Variants in MAMDC2 observed in about 807,000 individuals in gnomAD.
MAMDC2 encodes the protein MAM domain containing 2, also known as MAM domain-containing protein 2.
Under a neutral mutation model 89.8 loss-of-function variants are expected in MAMDC2, and 57 were observed. The observed-to-expected ratio is 0.63, with a 90% CI of 0.51 to 0.79. MAMDC2 has a LOEUF of 0.79. Ranked by LOEUF, MAMDC2 falls within the 30% of genes least tolerant of loss-of-function variation. MAMDC2 has a pLI of 0.00. For synonymous variants in MAMDC2, 313 were observed against 293.4 expected, an observed-to-expected ratio of 1.07 and a Z score of -0.68; for missense variants, 800 against 820.6, an observed-to-expected ratio of 0.97 and a Z score of 0.31.
Position 70,044,168 on chromosome 9 carries a change from C to T in MAMDC2, c.-30C>T, listed in dbSNP as rs544998691. The T allele has an allele frequency of 1.6e-4, 254 of 1,613,622 alleles. 3 individuals are homozygous for T. In the South Asian group the frequency reaches 2.7e-3, roughly 17 times the overall value. ...CCCAGCGGGCTGGCAACTTGCACCC[C>T]TTCCTAGTCATCCTCCCTGAAACGC... On this transcript the variant is annotated 5_prime_UTR_variant, in exon 1 of 14. Transcript: ENST00000377182.
At chr9:70,195,586 C>T (rs536230648) in intron 11 of MAMDC2, among the ~76,000 whole-genome samples, 142 of 152,116 alleles carry the variant, frequency 9.3e-4, no homozygotes, top group African/African-American at 2.5e-3. Context: ...TCACACTGTC[C>T]GGCCCCATCC....
chr9:70,099,980 A>AG (rs1828126304), intron 2 of MAMDC2, among the ~76,000 whole-genome samples: 1 of 115,562 alleles, frequency 8.7e-6, no homozygotes, highest in East Asian at 2.7e-4. Flanking sequence ...GCCAAAAAGA[A>AG]AGAGAGAGAG....
intron 12 of MAMDC2, among the ~76,000 whole-genome samples, chr9:70,221,380 T>TATAGAGAGAGAGAGAGAG: frequency 1.4e-4 from 1 of 7,044 alleles, no homozygotes; most frequent in Non-Finnish European, 2.6e-4. Context: ...TATATATATA[T>TATAGAGAGAGAGAGAGAG]AGAGAGAGAG....
intron 11 of MAMDC2, among the ~76,000 whole-genome samples, chr9:70,205,816 C>G (rs956072876): frequency 5.3e-5 from 8 of 152,134 alleles, no homozygotes; most frequent in African/African-American, 1.4e-4. Context: ...TTCCTGGCTC[C>G]CATCCAGAGC....
At chr9:70,082,121 A>G (rs1265711098) in intron 2 of MAMDC2, 1 of 152,208 alleles carries the variant, frequency 6.6e-6, no homozygotes, top group Non-Finnish European at 1.5e-5. Flanking sequence ...GCATACAGGA[A>G]TTTCCATCTT....
At chr9:70,168,937 A>G in intron 10 of MAMDC2, 142 bp downstream of exon 10, 2 of 660,864 alleles carry the variant, frequency 3.0e-6, no homozygotes, top group East Asian at 5.5e-5. Flanking sequence ...GCTGTGTAGC[A>G]GGCTTTGAAA....
intron 11 of MAMDC2, among the ~76,000 whole-genome samples, chr9:70,196,819 T>C (rs1408109571): frequency 6.6e-6 from 1 of 152,042 alleles, no homozygotes; most frequent in Non-Finnish European, 1.5e-5. Flanking sequence ...AAAGCCAGGA[T>C]AGTGTACAAA....
intron 2 of MAMDC2, among the ~76,000 whole-genome samples, chr9:70,079,886 C>T (rs1236946234): frequency 6.6e-6 from 1 of 152,058 alleles, no homozygotes; most frequent in Non-Finnish European, 1.5e-5. Context: ...GGAGCATGTG[C>T]AGCTGCAGTC....
At chr9:70,223,339 A>G (rs1206960124) in intron 12 of MAMDC2, among the ~76,000 whole-genome samples, 2 of 152,196 alleles carry the variant, frequency 1.3e-5, no homozygotes, top group African/African-American at 4.8e-5. Context: ...AAAAATTAAG[A>G]TTTTATCTAA....
intron 5 of MAMDC2, among the ~76,000 whole-genome samples, chr9:70,117,980 G>C (rs899961617): frequency 1.3e-5 from 2 of 152,150 alleles, no homozygotes; most frequent in African/African-American, 4.8e-5. Flanking sequence ...CTTGGTTTTG[G>C]GGTACAGAGA....
intron 4 of MAMDC2, among the ~76,000 whole-genome samples, chr9:70,112,000 T>G (rs1411621194): frequency 2.0e-5 from 3 of 152,206 alleles, no homozygotes; most frequent in African/African-American, 7.2e-5. Context: ...GCTGGGAGAC[T>G]GCTGGGCAAG....
At chr9:70,083,397 A>G (rs992196935) in intron 2 of MAMDC2, 1 of 152,180 alleles carries the variant, frequency 6.6e-6, no homozygotes, top group Non-Finnish European at 1.5e-5. Flanking sequence ...TTTATTAAAA[A>G]AAAAGTGTTG....
intron 11 of MAMDC2, among the ~76,000 whole-genome samples, chr9:70,196,894 A>C (rs1286614325): frequency 2.0e-5 from 3 of 152,162 alleles, no homozygotes; most frequent in Non-Finnish European, 4.4e-5. Flanking sequence ...ATAATCAGAA[A>C]GCATGGGTGA....
rs1187103545 is a variant in MAMDC2, at chr9:70,143,785, C to A, written c.1370C>A (p.Ala457Asp). ...LESPRGVWMQ[A>D]EITFKKPMPT... Reference sequence around the variant, plus strand: ...TCCCCAAGGGGTGTTTGGATGCAAGCTGAAATCACCTTTAAGAAGCCCATG... The same window carrying A: ...TCCCCAAGGGGTGTTTGGATGCAAGATGAAATCACCTTTAAGAAGCCCATG... Residue 457 changes from alanine (A) to aspartate (D), a missense_variant, in exon 9 of 14, where the codon GCT becomes GAT. By Grantham distance (126) the Ala-to-Asp change is moderately radical. Transcript: ENST00000377182. 7 of 1,614,176 alleles carry A rather than the reference C, an allele frequency of 4.3e-6. No individual in the cohort carries two copies. The highest frequency in any genetic ancestry group is 5.9e-6 in the Non-Finnish European group (7 of 1,180,002).
chr9:70,052,981 A>C (rs987066655), intron 2 of MAMDC2, among the ~76,000 whole-genome samples: 6 of 152,178 alleles, frequency 3.9e-5, no homozygotes, highest in Non-Finnish European at 7.4e-5. Context: ...CATCACAAAC[A>C]ACCACAATGC....
intron 12 of MAMDC2, among the ~76,000 whole-genome samples, chr9:70,219,722 A>C (rs1231023683): frequency 6.6e-6 from 1 of 152,228 alleles, no homozygotes; most frequent in East Asian, 1.9e-4. Flanking sequence ...TTTGGCAAAG[A>C]ATAACAGGTA....
chr9:70,176,713 T>G (rs1337688564), intron 11 of MAMDC2, among the ~76,000 whole-genome samples: 2 of 152,220 alleles, frequency 1.3e-5, no homozygotes, highest in African/African-American at 2.4e-5. Context: ...TTTATTCCCA[T>G]GTACAACAAT....
At chr9:70,198,116 T>C (rs1401150248) in intron 11 of MAMDC2, among the ~76,000 whole-genome samples, 1 of 151,198 alleles carries the variant, frequency 6.6e-6, no homozygotes, top group Non-Finnish European at 1.5e-5. Flanking sequence ...AATTAAACTT[T>C]ATTATAAGTA....
At chr9:70,155,497 C>T (rs1209990188) in intron 9 of MAMDC2, among the ~76,000 whole-genome samples, 1 of 152,218 alleles carries the variant, frequency 6.6e-6, no homozygotes, top group Non-Finnish European at 1.5e-5. Context: ...CCTCTGGGAA[C>T]TTATTTCATA....
Sources: gnomAD v4.1 joint callset for allele counts (sites outside exome capture counted in the v4.1 genomes callset) on GRCh38, gnomAD v4.1.1 for gene constraint, MANE v1.5 for transcripts, NCBI Gene and HGNC (gene_info 2026-07-23, HGNC 2026-07-21) for gene names.